S100A16: variants seen among roughly 807,000 people sequenced by gnomAD.
S100A16 encodes the protein S100 calcium binding protein A16.
In S100A16, 8 loss-of-function variants were observed where a neutral mutation model predicts 9.0. The ratio of observed to expected loss-of-function variants is 0.89; its 90% CI spans 0.52 to 1.60. The LOEUF (loss-of-function observed/expected upper bound fraction) is 1.60. Among genes scored for constraint, S100A16 ranks in the 40% most tolerant of loss-of-function variants. S100A16 has a pLI of 0.00. For missense variants in S100A16, 138 were observed against 132.4 expected (o/e 1.04, Z -0.21); for synonymous variants, 51 against 51.4 (o/e 0.99, Z 0.04).
rs773913429 is a variant in S100A16, at chr1:153,607,633, A to G, written c.213T>C (p.Asp71=). The change falls in exon 3 of 3, where the codon GAT becomes GAC. Residue 71 remains aspartate (D), a synonymous_variant. Coordinates refer to ENST00000368706, the MANE Select transcript of S100A16 (RefSeq NM_080388.3). ...AGTACTCATCGAAGCTGATGCGCCCATCATGATTGGCATCCAGGTTCTGGA... is the reference window on the plus strand; with the variant it reads ...AGTACTCATCGAAGCTGATGCGCCCGTCATGATTGGCATCCAGGTTCTGGA... ...KLIQNLDANH[D]GRISFDEYWT... 1.4e-5 allele frequency: 22 copies of G among 1,614,080 alleles called. No homozygotes were observed. The African/African-American group carries it at 2.1e-4, about 16-fold the overall frequency.
rs777387586 is a variant in S100A16 at position 153,607,677 on chromosome 1, T to G, written c.169A>C (p.Lys57Gln). The change falls in exon 3 of 3, where the codon AAG becomes CAG. Residue 57 changes from lysine (K) to glutamine (Q), a missense_variant. Lys to Gln is a moderately conservative substitution (Grantham distance 53, BLOSUM62 1). Coordinates refer to ENST00000368706, the MANE Select transcript of S100A16 (RefSeq NM_080388.3). ...NHMLSDTGNR[K>Q]AADKLIQNLD... ...TTCTGGATGAGCTTATCCGCAGCCT[T>G]CCGGTTCCCTGTGTCCTGGGGAGGA... 6.2e-6 allele frequency: 10 copies of G among 1,614,030 alleles called. No individual in the cohort carries two copies. The East Asian group carries it at 2.2e-4, about 36-fold the overall frequency.
At chr1:153,611,915 T>TCACACACACACACACACACA (rs1250361327) in intron 1 of S100A16, among the ~76,000 whole-genome samples, 1 of 79,714 alleles carries the variant, frequency 1.3e-5, no homozygotes, top group Non-Finnish European at 2.9e-5. Context: ...TTTGTCTCTC[T>TCACACACACACACACACACA]CTCACACACA....
At position 153,608,090 on chromosome 1, in the gene S100A16, T is replaced by A. The variant is rs758310054; in HGVS notation, c.62A>T (p.Lys21Ile). Reference protein sequence around the residue: ...AVIVLVENFYKYVSKYSLVKN... With the variant: ...AVIVLVENFYIYVSKYSLVKN... ...GACCAGGCTGTACTTAGACACATAT[T>A]TGTAGAAGTTTTCCACCAGGACAAT... is the stretch of plus-strand genomic sequence containing the variant. The change falls in exon 2 of 3, where the codon AAA becomes ATA. Residue 21 changes from lysine (K) to isoleucine (I), a missense_variant. Transcript: ENST00000368706. 6.2e-7 allele frequency: 1 copy of A among 1,614,058 alleles called. No homozygotes were observed.
intron 1 of S100A16, chr1:153,609,397 G>A (rs187478653): frequency 2.1e-5 from 21 of 982,714 alleles, no homozygotes; most frequent in Non-Finnish European, 1.9e-5. Flanking sequence ...CTCTCGCCCC[G>A]CCCAAGCCAC....
chr1:153,607,897 G>A (rs1666732553), intron 2 of S100A16, 102 bp downstream of exon 2: 6 of 1,305,282 alleles, frequency 4.6e-6, no homozygotes, highest in Non-Finnish European at 6.5e-6. Context: ...GGGGACACTG[G>A]AAGGATAGAG....
intron 1 of S100A16, among the ~76,000 whole-genome samples, chr1:153,612,114 A>G (rs1215847365): frequency 6.7e-6 from 1 of 149,952 alleles, no homozygotes; most frequent in African/African-American, 2.5e-5. Context: ...CCCCCAACAC[A>G]CACACAGCTA....
chr1:153,611,299 A>C (rs1004219553), intron 1 of S100A16, among the ~76,000 whole-genome samples: 15 of 72,144 alleles, frequency 2.1e-4, no homozygotes, highest in African/African-American at 7.8e-4. Flanking sequence ...TAGCATCCCC[A>C]GGCTCCTTCC....
At chr1:153,612,109 AACAC>A (rs1003233935) in intron 1 of S100A16, among the ~76,000 whole-genome samples, 8 of 148,736 alleles carry the variant, frequency 5.4e-5, no homozygotes, top group Admixed American at 1.3e-4. Context: ...CGCCTCCCCC[AACAC>A]ACACACAGCT....
intron 1 of S100A16, chr1:153,609,487 C>G (rs112128456): frequency 7.1e-6 from 3 of 419,750 alleles, no homozygotes; most frequent in Non-Finnish European, 9.6e-6. Flanking sequence ...GTCATCACCA[C>G]TCAGCTAGCA....
chr1:153,608,713 A>G (rs1057077136), intron 1 of S100A16, among the ~76,000 whole-genome samples: 38 of 152,332 alleles, frequency 2.5e-4, no homozygotes, highest in East Asian at 1.2e-3. Context: ...GGGCTCCAGG[A>G]CAGTGAGTCC....
In S100A16 at chr1:153,608,929, C is replaced by A; in HGVS notation, c.-26-752G>T. ...GCGGGGGCCAAGCCCAGTTACAGCCCAGCTGGAGTCGGACTCTGGACACAG... is the reference window on the plus strand; with the variant it reads ...GCGGGGGCCAAGCCCAGTTACAGCCAAGCTGGAGTCGGACTCTGGACACAG... On this transcript the variant is annotated intron_variant, in intron 1 of 2. Transcript: ENST00000368706. 4.1e-6 allele frequency: 4 copies of A among 985,990 alleles called. No homozygotes were observed. The South Asian group carries it at 1.9e-4, about 46-fold the overall frequency. The allele number at this position is 985,990 out of a possible 1,614,324, so 61.1% of individuals were successfully genotyped here. A position where few individuals can be genotyped will look rare whatever the true frequency, so the allele number is the denominator to read the frequency against.
Position 153,607,077 on chromosome 1 carries a change from G to A in S100A16, c.*457C>T. On this transcript the variant is annotated 3_prime_UTR_variant, in exon 3 of 3. Transcript: ENST00000368706. ...CCTCTCTACCCAGCAGAGGGGCTAA[G>A]GGAAAGTGGAGAGGTCTCTGCTGCT... The A allele has an allele frequency of 2.4e-6, 1 of 424,372 alleles. No individual in the cohort carries two copies. The highest frequency in any genetic ancestry group is 4.6e-4 in the Middle Eastern group (1 of 2,156). The allele number at this position is 424,372 out of a possible 1,614,324, so 26.3% of individuals were successfully genotyped here. A position where few individuals can be genotyped will look rare whatever the true frequency, so the allele number is the denominator to read the frequency against.
Position 153,611,318 on chromosome 1 carries a change from C to G in S100A16, c.-27+1634G>C, listed in dbSNP as rs188072583. Among the ~76,000 whole-genome samples the G allele has an allele frequency of 2.7e-5, 4 of 145,694 alleles. No individual in the cohort carries two copies. The East Asian group carries it at 8.5e-4, about 31-fold the overall frequency. On this transcript the variant is annotated intron_variant, in intron 1 of 2. Transcript: ENST00000368706. ...ATCCCCAGGCTCCTTCCGTCTGGAG[C>G]TCCAAACATCCACCACACCGTCCTA... is the stretch of plus-strand genomic sequence containing the variant.
chr1:153,607,112 G>T lies in S100A16; in HGVS notation c.*422C>A. On this transcript the variant is annotated 3_prime_UTR_variant, in exon 3 of 3. Transcript: ENST00000368706. ...AGAGGTCTCTGCTGCTGCTGCTGCT[G>T]CTGCTGCTGCTGTTGCTGCTACCAC... The T allele has an allele frequency of 2.2e-6, 1 of 453,968 alleles. No individual in the cohort carries two copies. 28.1% of individuals were successfully genotyped at this position (453,968 alleles called of 1,614,324 possible).
intron 1 of S100A16, chr1:153,609,106 C>G: frequency 1.0e-6 from 1 of 985,806 alleles, no homozygotes. Context: ...CAAAACCCCC[C>G]CACATCAACC....
At chr1:153,609,520 T>A (rs1244217663) in intron 1 of S100A16, among the ~76,000 whole-genome samples, 2 of 152,318 alleles carry the variant, frequency 1.3e-5, no homozygotes, top group Admixed American at 1.3e-4. Context: ...CACTAACTGG[T>A]GAGGCCACGG....
At chr1:153,610,263 G>A (rs1276622240) in intron 1 of S100A16, among the ~76,000 whole-genome samples, 1 of 152,110 alleles carries the variant, frequency 6.6e-6, no homozygotes, top group Non-Finnish European at 1.5e-5. Flanking sequence ...ACTTGGAAGT[G>A]GGAAGATAAT....
At chr1:153,608,994 C>T (rs1007788465) in intron 1 of S100A16, 26 of 985,666 alleles carry the variant, frequency 2.6e-5, no homozygotes, top group Non-Finnish European at 3.1e-5. Flanking sequence ...CCCTCTCACC[C>T]CAGGACAAAA....
intron 1 of S100A16, chr1:153,609,178 C>G (rs556474385): frequency 7.1e-6 from 7 of 985,478 alleles, no homozygotes; most frequent in African/African-American, 1.7e-5. Context: ...TCACCCTCAC[C>G]CGGCGGGTCC....
Sources: allele counts gnomAD v4.1 joint callset (sites outside exome capture counted in the v4.1 genomes callset), GRCh38; gene constraint gnomAD v4.1.1; transcripts MANE v1.5; gene names NCBI Gene and HGNC (gene_info 2026-07-23, HGNC 2026-07-21).